The following SCD5 variants were observed in gnomAD, a reference collection of about 807,000 sequenced individuals.
SCD5 encodes acyl-CoA-desaturase 4.
In SCD5, 20 loss-of-function variants were observed where a neutral mutation model predicts 30.4. The ratio of observed to expected loss-of-function variants is 0.66; its 90% confidence interval spans 0.46 to 0.96. SCD5 has a LOEUF of 0.96. Among genes scored for constraint, SCD5 ranks in the 40% least tolerant of loss-of-function variants. The pLI, the probability that SCD5 is intolerant of heterozygous loss-of-function variation, is 0.00. For missense variants in SCD5, 381 were observed against 443.3 expected (o/e 0.86, Z 1.26); for synonymous variants, 173 against 176.4 (o/e 0.98, Z 0.16).
chr4:82,763,542 T>C (rs554221470), intron 1 of SCD5, among the ~76,000 whole-genome samples: 24 of 152,204 alleles, frequency 1.6e-4, no homozygotes, highest in African/African-American at 5.5e-4. Context: ...AATTAGGTGT[T>C]AAGGTGGACT....
Position 82,658,494 on chromosome 4 carries a change from G to A in SCD5, c.570-21671C>T, listed in dbSNP as rs1338525675. ...TTTTTTTTTTTTTTTTTTAGATGGA[G>A]TCTTGCTGTGTCACCAGGCTGGAGT... On this transcript the variant is annotated intron_variant, in intron 3 of 4. Coordinates refer to ENST00000319540, the MANE Select transcript of SCD5 (RefSeq NM_001037582.3). Among the ~76,000 whole-genome samples the A allele has an allele frequency of 5.0e-5, 7 of 140,100 alleles. No homozygotes were observed. The South Asian group carries it at 1.7e-3, about 34-fold the overall frequency. 91.9% of individuals were successfully genotyped at this position (140,100 alleles called of 152,430 possible). A position where few individuals can be genotyped will look rare whatever the true frequency, so the allele number is the denominator to read the frequency against.
At chr4:82,750,875 A>C (rs888889599) in intron 1 of SCD5, among the ~76,000 whole-genome samples, 11 of 152,318 alleles carry the variant, frequency 7.2e-5, no homozygotes, top group African/African-American at 2.6e-4. Flanking sequence ...ATGCCAAAGA[A>C]CTTACCTTTC....
intron 1 of SCD5, among the ~76,000 whole-genome samples, chr4:82,782,394 G>A (rs192262680): frequency 2.6e-5 from 4 of 152,144 alleles, no homozygotes; most frequent in Admixed American, 2.0e-4. Context: ...GTGCTTGTCC[G>A]GTTCTGGGGG....
intron 1 of SCD5, among the ~76,000 whole-genome samples, chr4:82,720,218 C>T (rs888791701): frequency 6.6e-6 from 1 of 151,548 alleles, no homozygotes; most frequent in Admixed American, 6.6e-5. Context: ...CTGTTTGTGC[C>T]CCGGTTCAAG....
At chr4:82,654,862 G>A (rs1295659395) in intron 3 of SCD5, among the ~76,000 whole-genome samples, 1 of 152,146 alleles carries the variant, frequency 6.6e-6, no homozygotes, top group Non-Finnish European at 1.5e-5. Flanking sequence ...GACAAAAATT[G>A]TAGAATATCT....
intron 1 of SCD5, among the ~76,000 whole-genome samples, chr4:82,713,591 T>C (rs1462001917): frequency 6.6e-6 from 1 of 152,220 alleles, no homozygotes; most frequent in African/African-American, 2.4e-5. Flanking sequence ...GGTCCAGTGC[T>C]ATCTGCCCTT....
chr4:82,641,788 T>C (rs1727552795), intron 3 of SCD5, among the ~76,000 whole-genome samples: 1 of 152,022 alleles, frequency 6.6e-6, no homozygotes, highest in Non-Finnish European at 1.5e-5. Flanking sequence ...TGGTGAGAAA[T>C]GGTCAGAATC....
chr4:82,657,985 G>A (rs1172248033), intron 3 of SCD5, among the ~76,000 whole-genome samples: 2 of 152,170 alleles, frequency 1.3e-5, no homozygotes, highest in Admixed American at 1.3e-4. Flanking sequence ...TCAGCTTAAG[G>A]AGATTTTGGG....
chr4:82,709,883 C>T lies in SCD5; in HGVS notation c.233-4470G>A, dbSNP rs937537292. 3.3e-5 allele frequency among the ~76,000 whole-genome samples: 5 copies of T among 152,246 alleles called. No individual in the cohort carries two copies. In the East Asian group the frequency reaches 5.8e-4, roughly 18 times the overall value. ...CGAGAAGGGAGTGAAGACTCACTGA[C>T]GGCCTGCCCTGGGCTGTCACTTTAC... On this transcript the variant is annotated intron_variant, in intron 1 of 4. Transcript: ENST00000319540.
At chr4:82,756,913 T>C (rs1022358919) in intron 1 of SCD5, among the ~76,000 whole-genome samples, 6 of 152,122 alleles carry the variant, frequency 3.9e-5, no homozygotes, top group Admixed American at 2.0e-4. Flanking sequence ...TCACCCAGGC[T>C]GGAGTGTTGT....
At chr4:82,723,992 G>A (rs905810621) in intron 1 of SCD5, among the ~76,000 whole-genome samples, 5 of 151,826 alleles carry the variant, frequency 3.3e-5, no homozygotes, top group Non-Finnish European at 5.9e-5. Flanking sequence ...TTTAGGGGAT[G>A]TGTATGGAAT....
intron 2 of SCD5, among the ~76,000 whole-genome samples, chr4:82,699,570 G>GTTTTTT (rs59887380): frequency 7.1e-6 from 1 of 141,162 alleles, no homozygotes; most frequent in Admixed American, 7.0e-5. Context: ...TTTGTTTTTT[G>GTTTTTT]TTTTTTTTTT....
At chr4:82,634,242 G>A (rs1489272905) in intron 4 of SCD5, among the ~76,000 whole-genome samples, 1 of 152,128 alleles carries the variant, frequency 6.6e-6, no homozygotes. Flanking sequence ...GTGGACATAT[G>A]TTTTCATTTC....
chr4:82,679,210 A>AAG (rs1274964147), intron 3 of SCD5, among the ~76,000 whole-genome samples: 41 of 34,542 alleles, frequency 1.2e-3, no homozygotes, highest in African/African-American at 4.3e-3. Context: ...AAAAAAAAAA[A>AAG]AAAAGAAAGA....
At position 82,680,958 on chromosome 4, in the gene SCD5, C is replaced by T. The variant is rs759371522; in HGVS notation, c.364-46G>A. On this transcript the variant is annotated intron_variant, in intron 2 of 4. Coordinates refer to ENST00000319540, the MANE Select transcript of SCD5 (RefSeq NM_001037582.3). Reference sequence around the variant, plus strand: ...TGAGTGAAGAGAGGAACCGCACCGCCGAGCATCCTCCTGGGAAGCTTCCCA... The same window carrying T: ...TGAGTGAAGAGAGGAACCGCACCGCTGAGCATCCTCCTGGGAAGCTTCCCA... 46 of 1,560,166 alleles carry T rather than the reference C, an allele frequency of 2.9e-5. No individual in the cohort carries two copies. The Admixed American group carries it at 4.1e-4, about 14-fold the overall frequency.
chr4:82,673,656 G>C (rs1728374396), intron 3 of SCD5, among the ~76,000 whole-genome samples: 1 of 152,136 alleles, frequency 6.6e-6, no homozygotes, highest in Non-Finnish European at 1.5e-5. Context: ...CAAACTGATT[G>C]CAAGGTTTAT....
chr4:82,645,848 T>A (rs932102484), intron 3 of SCD5, among the ~76,000 whole-genome samples: 1 of 152,262 alleles, frequency 6.6e-6, no homozygotes. Context: ...TTGGGATTTC[T>A]TTTTATTTCC....
At chr4:82,723,273 A>C (rs1299242597) in intron 1 of SCD5, among the ~76,000 whole-genome samples, 1 of 152,052 alleles carries the variant, frequency 6.6e-6, no homozygotes, top group Non-Finnish European at 1.5e-5. Context: ...TTTATTTTTA[A>C]AAATAACTAA....
At chr4:82,677,652 T>C (rs1396291984) in intron 3 of SCD5, among the ~76,000 whole-genome samples, 2 of 152,230 alleles carry the variant, frequency 1.3e-5, no homozygotes, top group African/African-American at 4.8e-5. Flanking sequence ...ATTACGGATC[T>C]CTATGTTCTC....
Sources: gnomAD v4.1 joint callset for allele counts (sites outside exome capture counted in the v4.1 genomes callset) on GRCh38, gnomAD v4.1.1 for gene constraint, MANE v1.5 for transcripts, NCBI Gene and HGNC (gene_info 2026-07-23, HGNC 2026-07-21) for gene names.